UNC13C: variants seen among roughly 807,000 people sequenced by gnomAD.
The protein encoded by UNC13C is protein unc-13 homolog C.
A neutral mutation model predicts 245.4 loss-of-function variants in UNC13C; 174 were observed. The ratio of observed to expected loss-of-function variants is 0.71; its 90% CI spans 0.63 to 0.80. UNC13C has a LOEUF of 0.80. UNC13C is among the 30% of genes least tolerant of loss of function. The pLI is 0.00. For synonymous variants in UNC13C, 992 were observed against 895.1 expected (o/e 1.11, Z -1.93); for missense variants, 2,829 against 2,602.9 (o/e 1.09, Z -1.89).
intron 30 of UNC13C, among the ~76,000 whole-genome samples, chr15:54,595,191 C>A (rs1324600429): frequency 6.6e-6 from 1 of 152,024 alleles, no homozygotes; most frequent in African/African-American, 2.4e-5. Flanking sequence ...TGATTATACT[C>A]CACTGCTTCA....
chr15:53,999,780 G>T (rs1894801022), intron 1 of UNC13C, among the ~76,000 whole-genome samples: 2 of 151,878 alleles, frequency 1.3e-5, no homozygotes, highest in East Asian at 1.9e-4. Flanking sequence ...GTTTTGGGGG[G>T]TTTTGACCCA....
intron 18 of UNC13C, among the ~76,000 whole-genome samples, chr15:54,396,490 T>C (rs1240276512): frequency 6.6e-6 from 1 of 151,726 alleles, no homozygotes; most frequent in Non-Finnish European, 1.5e-5. Flanking sequence ...AGTATTCCAT[T>C]GTACGTATAT....
At chr15:54,336,995 T>C (rs2038594375) in intron 16 of UNC13C, among the ~76,000 whole-genome samples, 1 of 152,144 alleles carries the variant, frequency 6.6e-6, no homozygotes, top group Non-Finnish European at 1.5e-5. Flanking sequence ...TATAGATAAA[T>C]CCGGAGAGAA....
intron 13 of UNC13C, among the ~76,000 whole-genome samples, chr15:54,313,479 T>C (rs1472045867): frequency 4.0e-5 from 6 of 151,846 alleles, no homozygotes; most frequent in Non-Finnish European, 7.4e-5. Flanking sequence ...TTTTGCCTAT[T>C]GTTGACTTTA....
intron 30 of UNC13C, among the ~76,000 whole-genome samples, chr15:54,605,253 G>A (rs1899702287): frequency 1.3e-5 from 2 of 152,174 alleles, no homozygotes; most frequent in Non-Finnish European, 2.9e-5. Context: ...AGACAGCTGA[G>A]TTCTAAGAGG....
At chr15:54,199,289 C>A (rs1167155039) in intron 4 of UNC13C, among the ~76,000 whole-genome samples, 5 of 152,100 alleles carry the variant, frequency 3.3e-5, no homozygotes, top group African/African-American at 7.2e-5. Flanking sequence ...ATTGAGGAAA[C>A]CTTCCCCAGC....
chr15:54,247,409 C>G (rs74013540), intron 7 of UNC13C, among the ~76,000 whole-genome samples: 3,854 of 152,180 alleles, frequency 0.025, 161 homozygotes, highest in African/African-American at 0.088. Flanking sequence ...CCCTGAAATA[C>G]AAGAATCCTC....
chr15:53,964,763 A>G, the UNC13C span, among the ~76,000 whole-genome samples: 174 of 152,332 alleles, frequency 1.1e-3, no homozygotes, highest in Non-Finnish European at 2.1e-3. Flanking sequence ...TAAAAATAGC[A>G]TGTCATCTAA....
the UNC13C span, among the ~76,000 whole-genome samples, chr15:53,972,065 T>C: frequency 2.6e-5 from 4 of 152,204 alleles, no homozygotes; most frequent in Non-Finnish European, 5.9e-5. Flanking sequence ...ATTTTATTAA[T>C]TTGTGATTTA....
At chr15:54,057,055 A>G (rs1364495600) in intron 2 of UNC13C, among the ~76,000 whole-genome samples, 2 of 152,186 alleles carry the variant, frequency 1.3e-5, no homozygotes, top group Non-Finnish European at 2.9e-5. Context: ...GCATCAACTA[A>G]TGAGCAAAAT....
At chr15:54,143,555 T>C (rs2032121838) in intron 3 of UNC13C, 65 bp from the exon 4 acceptor site, 1 of 1,371,204 alleles carries the variant, frequency 7.3e-7, no homozygotes, top group African/African-American at 1.4e-5. Flanking sequence ...CCCGATTTCG[T>C]GTACATAAAA....
At chr15:54,546,552 C>G (rs1374574048) in intron 26 of UNC13C, among the ~76,000 whole-genome samples, 170 bp from the exon 27 acceptor site, 2 of 152,022 alleles carry the variant, frequency 1.3e-5, no homozygotes, top group African/African-American at 4.8e-5. Context: ...CATTTTCCAT[C>G]AAATATAGAG....
chr15:53,847,654 C>T, the UNC13C span, among the ~76,000 whole-genome samples: 2 of 152,024 alleles, frequency 1.3e-5, no homozygotes, highest in African/African-American at 4.8e-5. Context: ...GTGTGAGCCA[C>T]TGTGCCCAGC....
At chr15:54,465,029 T>C (rs2141032739) in intron 19 of UNC13C, among the ~76,000 whole-genome samples, 1 of 152,184 alleles carries the variant, frequency 6.6e-6, no homozygotes, top group African/African-American at 2.4e-5. Flanking sequence ...ACACAGATAA[T>C]ACATATCTGA....
intron 10 of UNC13C, among the ~76,000 whole-genome samples, chr15:54,280,201 T>C (rs1190520185): frequency 6.6e-6 from 1 of 152,118 alleles, no homozygotes; most frequent in Non-Finnish European, 1.5e-5. Context: ...AAATGGAAAC[T>C]ACTTAAATGT....
the UNC13C span, among the ~76,000 whole-genome samples, chr15:53,879,290 T>C: frequency 6.6e-6 from 1 of 152,064 alleles, no homozygotes; most frequent in Non-Finnish European, 1.5e-5. Context: ...GCCTCCTGAG[T>C]AGCTGGGACT....
At chr15:54,393,599 T>G (rs2040008446) in intron 18 of UNC13C, among the ~76,000 whole-genome samples, 1 of 147,798 alleles carries the variant, frequency 6.8e-6, no homozygotes, top group African/African-American at 2.4e-5. Context: ...AAAATAGATG[T>G]GCATATTGAT....
At chr15:53,861,225 G>A in the UNC13C span, among the ~76,000 whole-genome samples, 13 of 152,240 alleles carry the variant, frequency 8.5e-5, no homozygotes, top group Admixed American at 8.5e-4. Context: ...GAGACCTCCT[G>A]CTAAGTTTAT....
At chr15:54,199,346 TG>T (rs1403024985) in intron 4 of UNC13C, among the ~76,000 whole-genome samples, 1 of 152,078 alleles carries the variant, frequency 6.6e-6, no homozygotes, top group Non-Finnish European at 1.5e-5. Flanking sequence ...TCAATAAACC[TG>T]GGAAATTCAT....
Sources: gnomAD v4.1 joint callset for allele counts (sites outside exome capture counted in the v4.1 genomes callset) on GRCh38, gnomAD v4.1.1 for gene constraint, MANE v1.5 for transcripts, NCBI Gene and HGNC (gene_info 2026-07-23, HGNC 2026-07-21) for gene names.